Variants in NXN observed in about 807,000 individuals in gnomAD.
NXN encodes nucleoredoxin.
Under a neutral mutation model 48.6 loss-of-function variants are expected in NXN, and 16 were observed. That is an observed-to-expected ratio of 0.33 (90% CI 0.22 to 0.50). The LOEUF (loss-of-function observed/expected upper bound fraction) is 0.50. Among genes scored for constraint, NXN ranks in the 20% least tolerant of loss-of-function variants. The pLI, the probability that NXN is intolerant of heterozygous loss-of-function variation, is 0.98. For synonymous variants in NXN, 281 were observed against 269.6 expected (o/e 1.04, Z -0.41); for missense variants, 492 against 605.5 (o/e 0.81, Z 1.97).
At chr17:813,587 T>G (rs1345193419) in intron 5 of NXN, among the ~76,000 whole-genome samples, 1 of 152,370 alleles carries the variant, frequency 6.6e-6, no homozygotes, top group East Asian at 1.9e-4. Context: ...TTTAGAAGTA[T>G]GAATCAAACT....
At chr17:818,839 C>T (rs1234686127) in intron 5 of NXN, among the ~76,000 whole-genome samples, 3 of 150,806 alleles carry the variant, frequency 2.0e-5, no homozygotes, top group Admixed American at 6.6e-5. Flanking sequence ...GAGCGGAGAT[C>T]GCACCACTGC....
At chr17:803,022 C>A (rs992843465) in intron 7 of NXN, among the ~76,000 whole-genome samples, 1 of 152,274 alleles carries the variant, frequency 6.6e-6, no homozygotes, top group African/African-American at 2.4e-5. Flanking sequence ...AGAGCCTGCA[C>A]CTGTGCTGAG....
At chr17:962,331 C>G (rs1388848197) in intron 1 of NXN, among the ~76,000 whole-genome samples, 1 of 152,120 alleles carries the variant, frequency 6.6e-6, no homozygotes, top group Non-Finnish European at 1.5e-5. Flanking sequence ...TCTGAAACAA[C>G]TAGGCATATT....
intron 1 of NXN, among the ~76,000 whole-genome samples, chr17:937,455 G>A (rs1252178062): frequency 6.6e-6 from 1 of 152,124 alleles, no homozygotes; most frequent in Non-Finnish European, 1.5e-5. Context: ...CGTACACAGT[G>A]AGAACCAAAG....
chr17:979,541 G>C lies in NXN; in HGVS notation c.138C>G (p.Cys46Trp), dbSNP rs1278380074. The C allele has an allele frequency of 7.5e-7, 1 of 1,340,336 alleles. No homozygotes were observed. Among genetic ancestry groups the C allele is most frequent in the Non-Finnish European group, 9.6e-7 (1 of 1,039,196 alleles). 83.0% of individuals were successfully genotyped at this position (1,340,336 alleles called of 1,614,324 possible). ...CGGCCAGGCTGGCGCTGAGCTGCGC[G>C]CAGGGGGCGCTGAGGCTGCAGCCGA... Reference protein sequence around the residue: ...LYFGCSLSAPCAQLSASLAAF... With the variant: ...LYFGCSLSAPWAQLSASLAAF... Residue 46 changes from cysteine (C) to tryptophan (W), a missense_variant, in exon 1 of 8, where the codon TGC (cysteine) becomes TGG (tryptophan). Cys to Trp is a radical substitution (Grantham distance 215). Transcript: ENST00000336868.
At chr17:806,445 C>T (rs968015382) in intron 5 of NXN, among the ~76,000 whole-genome samples, 10 of 152,216 alleles carry the variant, frequency 6.6e-5, no homozygotes, top group South Asian at 4.2e-4. Flanking sequence ...TCAAGGTGCA[C>T]GTGGGTTTTC....
chr17:939,871 G>A (rs58269148), intron 1 of NXN, among the ~76,000 whole-genome samples: 51,769 of 151,928 alleles, frequency 0.34, 9,376 homozygotes, highest in East Asian at 0.59. Flanking sequence ...ATAATTTGCA[G>A]GCATGAGCAA....
chr17:802,913 G>A (rs75247405), intron 7 of NXN, among the ~76,000 whole-genome samples: 2,396 of 145,440 alleles, frequency 0.016, 72 homozygotes, highest in African/African-American at 0.056. Context: ...GGCAGGGGGC[G>A]GCCTCCAAAA....
At chr17:921,687 C>T (rs1185272003) in intron 1 of NXN, among the ~76,000 whole-genome samples, 4 of 150,970 alleles carry the variant, frequency 2.6e-5, no homozygotes, top group Non-Finnish European at 4.4e-5. Flanking sequence ...CCTCACTGCC[C>T]CTGGACAACA....
At chr17:960,187 G>A (rs1261335375) in intron 1 of NXN, among the ~76,000 whole-genome samples, 2 of 152,166 alleles carry the variant, frequency 1.3e-5, no homozygotes, top group Non-Finnish European at 2.9e-5. Context: ...ACAACAGTAA[G>A]CAATGGGGGT....
intron 1 of NXN, among the ~76,000 whole-genome samples, chr17:934,427 C>T (rs190697873): frequency 6.8e-6 from 1 of 146,286 alleles, no homozygotes; most frequent in African/African-American, 2.5e-5. Flanking sequence ...GCCTGGGCAA[C>T]ACAACGAGAC....
At chr17:842,701 G>C (rs1377578724) in intron 1 of NXN, 1 of 310,322 alleles carries the variant, frequency 3.2e-6, no homozygotes. Flanking sequence ...ACTTTGGGAG[G>C]CTGAGGCGGG....
chr17:940,478 G>A (rs373271898), intron 1 of NXN, among the ~76,000 whole-genome samples: 12 of 152,316 alleles, frequency 7.9e-5, no homozygotes, highest in African/African-American at 2.2e-4. Flanking sequence ...ACTTCCAAAC[G>A]CAATGTCTCT....
At chr17:954,710 C>T (rs1187280386) in intron 1 of NXN, among the ~76,000 whole-genome samples, 3 of 152,194 alleles carry the variant, frequency 2.0e-5, no homozygotes, top group East Asian at 3.8e-4. Flanking sequence ...CCCAGGATCA[C>T]GAGCCTCCTC....
chr17:883,687 C>G (rs2068310356), intron 1 of NXN, among the ~76,000 whole-genome samples: 1 of 152,234 alleles, frequency 6.6e-6, no homozygotes, highest in African/African-American at 2.4e-5. Flanking sequence ...GTCACGGTCC[C>G]ATCATATACA....
intron 4 of NXN, among the ~76,000 whole-genome samples, chr17:819,909 G>C (rs1045184491): frequency 2.0e-5 from 3 of 152,220 alleles, no homozygotes; most frequent in Admixed American, 6.5e-5. Flanking sequence ...TTTGTGCACG[G>C]AACAGTGACT....
rs551518580 is a variant in NXN, at chr17:952,223, C to T, written c.360+27096G>A. Among the ~76,000 whole-genome samples the T allele has an allele frequency of 5.8e-4, 59 of 102,430 alleles. 1 individual carries two copies. The highest frequency in any genetic ancestry group is 2.1e-3 in the African/African-American group (57 of 26,650). 67.2% of individuals were successfully genotyped at this position (102,430 alleles called of 152,430 possible). A position where few individuals can be genotyped will look rare whatever the true frequency, so the allele number is the denominator to read the frequency against. ...CAAGGTTGGAACCCGGCAGGTACCA[C>T]GGACGGTCACACTGTGGGGGGGCTG... On this transcript the variant is annotated intron_variant, in intron 1 of 7. Coordinates refer to ENST00000336868, the MANE Select transcript of NXN (RefSeq NM_022463.5).
chr17:968,957 GA>G (rs2069339660), intron 1 of NXN, among the ~76,000 whole-genome samples: 1 of 151,186 alleles, frequency 6.6e-6, no homozygotes, highest in Non-Finnish European at 1.5e-5. Flanking sequence ...AAGAAAGAAA[GA>G]AAAAGAAAAG....
At position 951,174 on chromosome 17, in the gene NXN, T is replaced by TAAAAAAAAA. The variant is rs1567516128; in HGVS notation, c.360+28144_360+28145insTTTTTTTTT. ...CAACATGGTGAAACCCTGTCTCTAC[T>TAAAAAAAAA]TAAAAAAAAAAAAAAAAAAAAAAAA... On this transcript the variant is annotated intron_variant, in intron 1 of 7. Coordinates refer to ENST00000336868, the MANE Select transcript of NXN (RefSeq NM_022463.5). Among the ~76,000 whole-genome samples the TAAAAAAAAA allele has an allele frequency of 7.4e-5, 5 of 67,530 alleles. 1 individual carries two copies. Among genetic ancestry groups the TAAAAAAAAA allele is most frequent in the South Asian group, 6.0e-4 (1 of 1,666 alleles). The allele number at this position is 67,530 out of a possible 152,430, so 44.3% of individuals were successfully genotyped here. A position where few individuals can be genotyped will look rare whatever the true frequency, so the allele number is the denominator to read the frequency against.
Sources: allele counts gnomAD v4.1 joint callset (sites outside exome capture counted in the v4.1 genomes callset), GRCh38; gene constraint gnomAD v4.1.1; transcripts MANE v1.5; gene names NCBI Gene and HGNC (gene_info 2026-07-23, HGNC 2026-07-21).